Variants in CACNA1I observed in about 807,000 individuals in gnomAD.
CACNA1I encodes the protein voltage-dependent T-type calcium channel subunit alpha-1I.
CACNA1I carries 74 observed loss-of-function variants against 201.6 expected under a neutral mutation model. The observed-to-expected ratio is 0.37, with a 90% confidence interval of 0.30 to 0.45. The LOEUF is 0.45. Among genes scored for constraint, CACNA1I ranks in the 20% least tolerant of loss-of-function variants. CACNA1I has a pLI of 1.00. For missense variants in CACNA1I, 2,346 were observed against 3,138.1 expected (o/e 0.75, Z 6.03); for synonymous variants, 1,431 against 1,345.2 (o/e 1.06, Z -1.40).
chr22:39,571,562 T>C (rs139865184), intron 1 of CACNA1I, among the ~76,000 whole-genome samples: 52 of 152,236 alleles, frequency 3.4e-4, no homozygotes, highest in Non-Finnish European at 5.7e-4. Context: ...ATCCAACCCA[T>C]CAGGGCCTGT....
intron 4 of CACNA1I, 76 bp from the exon 5 acceptor site, chr22:39,634,489 T>C: frequency 1.4e-6 from 2 of 1,453,818 alleles, no homozygotes; most frequent in Non-Finnish European, 1.9e-6. Context: ...CCTGTTTCTC[T>C]AACCTTGCTC....
In CACNA1I at chr22:39,640,858, T is replaced by C. The variant is rs781360497; in HGVS notation, c.741-9T>C. 1.9e-6 allele frequency: 3 copies of C among 1,607,496 alleles called. No homozygotes were observed. Among genetic ancestry groups the C allele is most frequent in the Non-Finnish European group, 2.6e-6 (3 of 1,176,166 alleles). On this transcript the variant is annotated splice_polypyrimidine_tract_variant and intron_variant, in intron 5 of 36. Coordinates refer to ENST00000402142, the MANE Select transcript of CACNA1I (RefSeq NM_021096.4). The stretch of plus-strand genomic sequence containing the variant: ...TTTCCCTCTTTTACCCACCCTCGCC[T>C]GTGGACAGACAAGGGGATGTGGCCT...
chr22:39,588,517 C>T (rs937533312), intron 1 of CACNA1I, among the ~76,000 whole-genome samples: 1 of 151,660 alleles, frequency 6.6e-6, no homozygotes, highest in South Asian at 2.1e-4. Context: ...TCCCGAGTAG[C>T]TGGGACTACA....
chr22:39,580,261 T>A (rs533061286), intron 1 of CACNA1I, among the ~76,000 whole-genome samples: 2 of 152,316 alleles, frequency 1.3e-5, no homozygotes, highest in East Asian at 3.9e-4. Context: ...TGGGAAATTG[T>A]CCGTTTCCCT....
At position 39,646,775 on chromosome 22, in the gene CACNA1I, C is replaced by T. The variant is rs751018340; in HGVS notation, c.1356C>T (p.Arg452=). The T allele has an allele frequency of 1.1e-4, 180 of 1,579,392 alleles. No individual in the cohort carries two copies. The highest frequency in any genetic ancestry group is 1.4e-4 in the Non-Finnish European group (162 of 1,163,136). ...ACATCCTGCGCAAGGCCAAGCGCCG[C>T]GCCCTGGGCCTCTACCAGGCCCTGC... ...VCHILRKAKR[R]ALGLYQALQS... Residue 452 remains arginine (R), a synonymous_variant, in exon 8 of 37, where the codon CGC becomes CGT. Coordinates refer to ENST00000402142, the MANE Select transcript of CACNA1I (RefSeq NM_021096.4).
At chr22:39,612,480 G>T (rs1933412155) in intron 3 of CACNA1I, among the ~76,000 whole-genome samples, 1 of 152,154 alleles carries the variant, frequency 6.6e-6, no homozygotes, top group African/African-American at 2.4e-5. Flanking sequence ...AGGTTGGGAA[G>T]TCCAAGATCA....
At position 39,684,508 on chromosome 22, in the gene CACNA1I, C is replaced by A. The variant is rs1935799358; in HGVS notation, c.6027+10C>A. ...TACCCTCCTCCGGCAGGTACCGACACCTCCCAGGCCCTAGAGCACTGGTCT... is the reference window on the plus strand; with the variant it reads ...TACCCTCCTCCGGCAGGTACCGACAACTCCCAGGCCCTAGAGCACTGGTCT... On this transcript the variant is annotated intron_variant, in intron 36 of 36. Coordinates refer to ENST00000402142, the MANE Select transcript of CACNA1I (RefSeq NM_021096.4). This position sits in a 1 kb window ranked among gnomAD's most constrained non-coding sequence, Gnocchi z 4.6. The A allele has an allele frequency of 1.7e-5, 27 of 1,609,748 alleles. No individual in the cohort carries two copies. The highest frequency in any genetic ancestry group is 2.2e-5 in the Non-Finnish European group (26 of 1,178,274).
At position 39,649,299 on chromosome 22, in the gene CACNA1I, C is replaced by T. The variant is rs1012269952; in HGVS notation, c.1568-202C>T. Reference sequence around the variant, plus strand: ...CAGCCTGCATGGTGGGCGTTCCTGCCCCAACTTCTACAACAGGGGCAGACA... The same window carrying T: ...CAGCCTGCATGGTGGGCGTTCCTGCTCCAACTTCTACAACAGGGGCAGACA... On this transcript the variant is annotated intron_variant, in intron 9 of 36. Coordinates refer to ENST00000402142, the MANE Select transcript of CACNA1I (RefSeq NM_021096.4). The surrounding 1 kb of genome is among the most constrained non-coding windows in gnomAD (Gnocchi z 7.3). 6.6e-6 allele frequency among the ~76,000 whole-genome samples: 1 copy of T among 152,186 alleles called. No individual in the cohort carries two copies. The highest frequency in any genetic ancestry group is 2.1e-4 in the South Asian group (1 of 4,830).
rs112719769 is a variant in CACNA1I, at chr22:39,588,766, G to A, written c.237-9385G>A. Among the ~76,000 whole-genome samples the A allele has an allele frequency of 6.7e-3, 1,013 of 152,216 alleles. 19 individuals carry two copies. The highest frequency in any genetic ancestry group is 0.023 in the African/African-American group (956 of 41,520). ...CATCTCCAGTCCTGGAAGCTTCCCTGTCCCCCACCTGCCTTGGGTACTCCC... is the reference window on the plus strand; with the variant it reads ...CATCTCCAGTCCTGGAAGCTTCCCTATCCCCCACCTGCCTTGGGTACTCCC... On this transcript the variant is annotated intron_variant, in intron 1 of 36. Coordinates refer to ENST00000402142, the MANE Select transcript of CACNA1I (RefSeq NM_021096.4).
chr22:39,659,251 G>A lies in CACNA1I; in HGVS notation c.2330+135G>A. On this transcript the variant is annotated intron_variant, in intron 12 of 36. Transcript: ENST00000402142. The surrounding 1 kb of genome is among the most constrained non-coding windows in gnomAD (Gnocchi z 4.3). ...GTGTGAAGCCTGACACTGTTCCTCA[G>A]TCCCCTGTGGCTTTCAGCAAGCATG... 1 of 1,130,402 alleles carries A rather than the reference G, an allele frequency of 8.8e-7. No homozygotes were observed. Among genetic ancestry groups the A allele is most frequent in the Non-Finnish European group, 1.3e-6 (1 of 789,632 alleles). The allele number at this position is 1,130,402 out of a possible 1,614,324, so 70.0% of individuals were successfully genotyped here.
chr22:39,625,867 A>C, intron 4 of CACNA1I, among the ~76,000 whole-genome samples: 1 of 142,466 alleles, frequency 7.0e-6, no homozygotes, highest in African/African-American at 2.6e-5. Flanking sequence ...TACATCTCTC[A>C]AGGCACTGCC....
chr22:39,625,185 C>T (rs1192008336), intron 4 of CACNA1I, among the ~76,000 whole-genome samples: 1 of 151,872 alleles, frequency 6.6e-6, no homozygotes, highest in African/African-American at 2.4e-5. Flanking sequence ...GGATTACAAG[C>T]GTGAGCCACC....
At position 39,662,151 on chromosome 22, in the gene CACNA1I, G is replaced by C; in HGVS notation, c.3088G>C (p.Ala1030Pro). The C allele has an allele frequency of 6.6e-7, 1 of 1,525,374 alleles. No homozygotes were observed. The highest frequency in any genetic ancestry group is 8.8e-7 in the Non-Finnish European group (1 of 1,140,038). 94.5% of individuals were successfully genotyped at this position (1,525,374 alleles called of 1,614,324 possible). A position where few individuals can be genotyped will look rare whatever the true frequency, so the allele number is the denominator to read the frequency against. ...VAADEGPPRAAPLHTPHAHHI... is the reference protein window; with the variant it reads ...VAADEGPPRAPPLHTPHAHHI... ...CGCGGACGAGGGGCCGCCGCGGGCC[G>C]CACCCCTGCACACCCCACACGCCCA... The change falls in exon 17 of 37, where the codon GCA (alanine) becomes CCA (proline). Residue 1030 changes from alanine to proline, a missense_variant. This residue lies in a region of CACNA1I where 288 missense variants were observed against 255.2 expected (regional missense o/e 1.13). Coordinates refer to ENST00000402142, the MANE Select transcript of CACNA1I (RefSeq NM_021096.4).
intron 1 of CACNA1I, among the ~76,000 whole-genome samples, chr22:39,582,377 G>A (rs1008546492): frequency 9.9e-5 from 15 of 152,128 alleles, no homozygotes; most frequent in African/African-American, 3.4e-4. Flanking sequence ...CTCCAACGTG[G>A]GGAGGATGTG....
chr22:39,612,254 G>A lies in CACNA1I; in HGVS notation c.483-7056G>A, dbSNP rs573673755. On this transcript the variant is annotated intron_variant, in intron 3 of 36. Coordinates refer to ENST00000402142, the MANE Select transcript of CACNA1I (RefSeq NM_021096.4). Reference sequence around the variant, plus strand: ...GTGATGACACAGCAAGAAAGTCCTCGCCAGATGCAGCTCCTTGATGTTGGA... The same window carrying A: ...GTGATGACACAGCAAGAAAGTCCTCACCAGATGCAGCTCCTTGATGTTGGA... 9.9e-5 allele frequency among the ~76,000 whole-genome samples: 15 copies of A among 152,226 alleles called. No individual in the cohort carries two copies. In the South Asian group the frequency reaches 2.3e-3, roughly 23 times the overall value.
Position 39,663,822 on chromosome 22 carries a change from A to G in CACNA1I, c.3578A>G (p.Gln1193Arg), listed in dbSNP as rs772701088. The change falls in exon 19 of 37, where the codon CAG becomes CGG. Residue 1193 changes from glutamine to arginine, a missense_variant. Physicochemically the swap from Gln to Arg is conservative, Grantham distance 43 (BLOSUM62 1). This residue lies in a region of CACNA1I where 158 missense variants were observed against 231.6 expected (regional missense o/e 0.68). Coordinates refer to ENST00000402142, the MANE Select transcript of CACNA1I (RefSeq NM_021096.4). The stretch of plus-strand genomic sequence containing the variant: ...ATCACCATCGCCCTGGAGCGGCCTC[A>G]GATCGAGGCCGGCAGCACCGTGAGT... ...NCITIALERP[Q>R]IEAGSTERIF... 20 of 1,613,476 alleles carry G rather than the reference A, an allele frequency of 1.2e-5. No individual in the cohort carries two copies. The highest frequency in any genetic ancestry group is 1.6e-5 in the Non-Finnish European group (19 of 1,179,738).
In CACNA1I at chr22:39,659,207, C is replaced by T. The variant is rs570136909; in HGVS notation, c.2330+91C>T. The T allele has an allele frequency of 9.7e-5, 144 of 1,489,700 alleles. No individual in the cohort carries two copies. The African/African-American group carries it at 1.6e-3, about 17-fold the overall frequency. 92.3% of individuals were successfully genotyped at this position (1,489,700 alleles called of 1,614,324 possible). ...ATGTGGTCCACTGTGCTTCTCTGGACAAAGCCACCTGGACCTGGGTGTGAA... is the reference window on the plus strand; with the variant it reads ...ATGTGGTCCACTGTGCTTCTCTGGATAAAGCCACCTGGACCTGGGTGTGAA... On this transcript the variant is annotated intron_variant, in intron 12 of 36. Coordinates refer to ENST00000402142, the MANE Select transcript of CACNA1I (RefSeq NM_021096.4). The surrounding 1 kb of genome is among the most constrained non-coding windows in gnomAD (Gnocchi z 4.3).
chr22:39,629,880 A>G lies in CACNA1I; in HGVS notation c.581-4685A>G, dbSNP rs1934008937. Among the ~76,000 whole-genome samples the G allele has an allele frequency of 6.6e-6, 1 of 151,756 alleles. No homozygotes were observed. Among genetic ancestry groups the G allele is most frequent in the Admixed American group, 6.6e-5 (1 of 15,236 alleles). Reference sequence around the variant, plus strand: ...CCTCTGCCCTGGCCCCCCGCGATCCATTCTCCACCCAGCAGCCCAGCAATC... The same window carrying G: ...CCTCTGCCCTGGCCCCCCGCGATCCGTTCTCCACCCAGCAGCCCAGCAATC... On this transcript the variant is annotated intron_variant, in intron 4 of 36. Coordinates refer to ENST00000402142, the MANE Select transcript of CACNA1I (RefSeq NM_021096.4). This position sits in a 1 kb window ranked among gnomAD's most constrained non-coding sequence, Gnocchi z 4.8.
chr22:39,663,716 A>ACCCCC lies in CACNA1I; in HGVS notation c.3474-2_3474-1insCCCCC. 1 of 626,272 alleles carries ACCCCC rather than the reference A, an allele frequency of 1.6e-6. No homozygotes were observed. Among genetic ancestry groups the ACCCCC allele is most frequent in the Non-Finnish European group, 2.9e-6 (1 of 349,024 alleles). 38.8% of individuals were successfully genotyped at this position (626,272 alleles called of 1,614,324 possible). On this transcript the variant is annotated splice_acceptor_variant, in intron 18 of 36. Transcript: ENST00000402142. LOFTEE classifies it high-confidence loss of function. ...CAGGCAGCCCCCGCCCACCCTGCCCAGGTTCCGGGTCCTGTGTCAGACCAT... is the reference window on the plus strand; with the variant it reads ...CAGGCAGCCCCCGCCCACCCTGCCCACCCCCGGTTCCGGGTCCTGTGTCAGACCAT...
Sources: gnomAD v4.1 joint callset for allele counts (sites outside exome capture counted in the v4.1 genomes callset) on GRCh38, gnomAD v4.1.1 for gene constraint, gnomAD v4.1.1 regional missense constraint, Gnocchi (gnomAD v3.1) non-coding constraint, MANE v1.5 for transcripts, NCBI Gene and HGNC (gene_info 2026-07-23, HGNC 2026-07-21) for gene names.